The following NWD1 variants were observed in gnomAD, a reference collection of about 807,000 sequenced individuals.
NWD1 encodes NACHT and WD repeat domain containing 1, also known as NACHT domain- and WD repeat-containing protein 1.
Under a neutral mutation model 135.1 loss-of-function variants are expected in NWD1, and 129 were observed. The observed-to-expected ratio is 0.96, with a 90% confidence interval of 0.83 to 1.11. The LOEUF (loss-of-function observed/expected upper bound fraction) is 1.11. Ranked by LOEUF, NWD1 falls within the 50% of genes least tolerant of loss-of-function variation. The probability of loss-of-function intolerance (pLI) is 0.00; values close to 1 mark genes in which losing one functional copy is unlikely to be tolerated. For missense variants in NWD1, 1,740 were observed against 1,851.3 expected, an observed-to-expected ratio of 0.94 and a Z score of 1.10; for synonymous variants, 773 against 786.0, an observed-to-expected ratio of 0.98 and a Z score of 0.28.
chr19:16,812,445 G>A (rs1970952313), intron 18 of NWD1, among the ~76,000 whole-genome samples: 3 of 151,856 alleles, frequency 2.0e-5, no homozygotes. Context: ...AAGGCTAGTG[G>A]ATCACCTGAG....
chr19:16,725,652 A>C (rs564564172), intron 2 of NWD1, among the ~76,000 whole-genome samples: 4 of 152,216 alleles, frequency 2.6e-5, no homozygotes, highest in Admixed American at 1.3e-4. Context: ...TCCCAGGTTC[A>C]AGCGATGCTT....
intron 14 of NWD1, among the ~76,000 whole-genome samples, chr19:16,793,510 C>T (rs1970317967): frequency 6.6e-6 from 1 of 150,580 alleles, no homozygotes; most frequent in Non-Finnish European, 1.5e-5. Flanking sequence ...ACAGGCGTGA[C>T]CCACTGTACC....
chr19:16,793,863 C>T (rs1042882528), intron 14 of NWD1, among the ~76,000 whole-genome samples: 2 of 151,932 alleles, frequency 1.3e-5, no homozygotes, highest in African/African-American at 2.4e-5. Flanking sequence ...AAGCATGAGC[C>T]GCCACACCTG....
At chr19:16,797,326 C>CTTTTTTTTTTT (rs1568388231) in intron 15 of NWD1, among the ~76,000 whole-genome samples, 1 of 135,974 alleles carries the variant, frequency 7.4e-6, no homozygotes, top group African/African-American at 3.5e-5. Flanking sequence ...TCCAAAACAT[C>CTTTTTTTTTTT]TCTTTTTTTT....
intron 3 of NWD1, among the ~76,000 whole-genome samples, chr19:16,736,071 C>T (rs778549596): frequency 3.3e-5 from 5 of 152,084 alleles, no homozygotes; most frequent in Non-Finnish European, 7.4e-5. Flanking sequence ...TGAAGAACCC[C>T]ATCCAGGGTA....
At chr19:16,788,264 AT>A (rs1970121297) in intron 12 of NWD1, among the ~76,000 whole-genome samples, 1 of 131,688 alleles carries the variant, frequency 7.6e-6, no homozygotes, top group Non-Finnish European at 1.5e-5. Flanking sequence ...AATAATAATA[AT>A]AATAATAATA....
At position 16,724,727 on chromosome 19, in the gene NWD1, C is replaced by T. The variant is rs554585413; in HGVS notation, c.-7+264C>T. Among the ~76,000 whole-genome samples the T allele has an allele frequency of 2.0e-5, 3 of 152,234 alleles. No homozygotes were observed. In the East Asian group the frequency reaches 5.8e-4, roughly 29 times the overall value. ...TTTTTTTTTGAGACGAAGTTTCGCT[C>T]CTATTGCCCAGGCTGGAGTGTAATG... On this transcript the variant is annotated intron_variant, in intron 2 of 18. Transcript: ENST00000524140.
At chr19:16,741,944 C>G (rs1206040996) in intron 4 of NWD1, among the ~76,000 whole-genome samples, 1 of 152,008 alleles carries the variant, frequency 6.6e-6, no homozygotes, top group Non-Finnish European at 1.5e-5. Context: ...AACCCAGTCT[C>G]TACTAAAAAT....
rs1415883762 is a variant in NWD1, at chr19:16,744,582, C to A, written c.360C>A (p.Val120=). 6.5e-7 allele frequency: 1 copy of A among 1,534,934 alleles called. No homozygotes were observed. Among genetic ancestry groups the A allele is most frequent in the Non-Finnish European group, 8.7e-7 (1 of 1,146,302 alleles). ...AGAATGCGTTTCCTCCCACCTACGT[C>A]CTGCAGGCACCAGGTACTGGGGAGG... ...RDENAFPPTY[V]LQAPGTGEAC... is the part of the protein sequence containing the mutation. The change falls in exon 5 of 19, where the codon GTC becomes GTA. Residue 120 remains valine (V), a synonymous_variant. Coordinates refer to ENST00000524140, the MANE Select transcript of NWD1 (RefSeq NM_001007525.5).
chr19:16,763,221 G>A (rs1343993518), intron 8 of NWD1, among the ~76,000 whole-genome samples: 2 of 151,496 alleles, frequency 1.3e-5, no homozygotes, highest in African/African-American at 4.9e-5. Context: ...CATTCACCTA[G>A]CCTCTCAGTC....
intron 12 of NWD1, among the ~76,000 whole-genome samples, chr19:16,787,177 A>C (rs2123032777): frequency 6.6e-6 from 1 of 152,066 alleles, no homozygotes; most frequent in Non-Finnish European, 1.5e-5. Context: ...CTGAGGCTGG[A>C]GTGCAGAGGA....
chr19:16,737,982 AAAGAAAAG>A (rs1271449386), intron 4 of NWD1, among the ~76,000 whole-genome samples: 1 of 149,362 alleles, frequency 6.7e-6, no homozygotes, highest in East Asian at 1.9e-4. Context: ...AAAGAAAAGA[AAAGAAAAG>A]AAAAGAAAAG....
rs1386718002 is a variant in NWD1, at chr19:16,750,295, G to C, written c.1653G>C (p.Val551=). ...EEARKWASFT[V]PVPLATTAEE... ...CCCGGAAATGGGCCTCTTTCACCGTGCCTGTCCCGCTGGCCACCACCGCAG... is the reference window on the plus strand; with the variant it reads ...CCCGGAAATGGGCCTCTTTCACCGTCCCTGTCCCGCTGGCCACCACCGCAG... Residue 551 remains valine (V), a synonymous_variant, in exon 6 of 19, where the codon GTG becomes GTC. Transcript: ENST00000524140. 6.2e-7 allele frequency: 1 copy of C among 1,613,436 alleles called. No homozygotes were observed. The highest frequency in any genetic ancestry group is 8.5e-7 in the Non-Finnish European group (1 of 1,179,956).
chr19:16,790,512 C>T (rs1970203518), intron 13 of NWD1, among the ~76,000 whole-genome samples: 2 of 149,558 alleles, frequency 1.3e-5, no homozygotes, highest in African/African-American at 4.9e-5. Flanking sequence ...ATACCTAATG[C>T]ATGTGGGGCT....
At position 16,725,313 on chromosome 19, in the gene NWD1, A is replaced by AT. The variant is rs879497787; in HGVS notation, c.-7+863dup. Among the ~76,000 whole-genome samples, 62 of 145,450 alleles carry AT rather than the reference A, an allele frequency of 4.3e-4. No individual in the cohort carries two copies. The Middle Eastern group carries it at 0.011, about 25-fold the overall frequency. ...TCCACTGGGCCCAGACTCTACACAA[A>AT]TTTTTTTTTTTTTAATTAACCAGAC... On this transcript the variant is annotated intron_variant, in intron 2 of 18. Coordinates refer to ENST00000524140, the MANE Select transcript of NWD1 (RefSeq NM_001007525.5).
rs1367401013 is a variant in NWD1, at chr19:16,749,416, CGCCT to C, written c.777_780del (p.Cys260ThrfsTer2). 1 of 1,613,888 alleles carries C rather than the reference CGCCT, an allele frequency of 6.2e-7. No individual in the cohort carries two copies. Among genetic ancestry groups the C allele is most frequent in the Admixed American group, 1.7e-5 (1 of 60,000 alleles). On this transcript the variant is annotated frameshift_variant, in exon 6 of 19. Transcript: ENST00000524140. LOFTEE classifies it high-confidence loss of function. Reference sequence around the variant, plus strand: ...TGGTGAACCCCAAGAACAAGACTCACGCCTGCTACCTGAAGGAGCTGGGTGAGCA... The same window carrying C: ...TGGTGAACCCCAAGAACAAGACTCACGCTACCTGAAGGAGCTGGGTGAGCA...
chr19:16,736,185 T>TTTCCTTCTTTCCTTCG (rs1568337711), intron 3 of NWD1, among the ~76,000 whole-genome samples: 27 of 27,104 alleles, frequency 1.0e-3, no homozygotes, highest in African/African-American at 2.2e-3. Context: ...TCTTTCCTTC[T>TTTCCTTCTTTCCTTCG]TTCCTTCTTT....
chr19:16,731,042 G>A (rs2122695935), intron 2 of NWD1, 150 bp from the exon 3 acceptor site: 2 of 495,338 alleles, frequency 4.0e-6, no homozygotes, highest in East Asian at 6.8e-5. Flanking sequence ...CCAGGAACTC[G>A]AGACCAGCCT....
intron 3 of NWD1, among the ~76,000 whole-genome samples, chr19:16,731,987 C>T (rs1164895415): frequency 3.3e-5 from 5 of 151,764 alleles, no homozygotes; most frequent in Admixed American, 3.3e-4. Flanking sequence ...GAGGCAAAGG[C>T]GGGCAGATCG....
Sources: allele counts gnomAD v4.1 joint callset (sites outside exome capture counted in the v4.1 genomes callset), GRCh38; gene constraint gnomAD v4.1.1; transcripts MANE v1.5; gene names NCBI Gene and HGNC (gene_info 2026-07-23, HGNC 2026-07-21).